The following OSBPL10 variants were observed in gnomAD, a reference collection of about 807,000 sequenced individuals.
OSBPL10 encodes oxysterol-binding protein-related protein 10.
In OSBPL10, 49 loss-of-function variants were observed where a neutral mutation model predicts 81.7. The observed-to-expected ratio is 0.60, with a 90% confidence interval of 0.48 to 0.76. The LOEUF is 0.76. Among genes scored for constraint, OSBPL10 ranks in the 30% least tolerant of loss-of-function variants. The pLI is 0.00. For missense variants in OSBPL10, 923 were observed against 987.8 expected (o/e 0.93, Z 0.88); for synonymous variants, 419 against 383.6 (o/e 1.09, Z -1.08).
At chr3:32,047,582 G>C (rs1028332015) in intron 1 of OSBPL10, among the ~76,000 whole-genome samples, 1 of 152,098 alleles carries the variant, frequency 6.6e-6, no homozygotes, top group Non-Finnish European at 1.5e-5. Context: ...AATGAGAAGT[G>C]AGGACAGCCA....
intron 1 of OSBPL10, among the ~76,000 whole-genome samples, chr3:31,929,126 G>A (rs9847411): frequency 0.031 from 4,722 of 152,132 alleles, 253 homozygotes; most frequent in African/African-American, 0.11. Flanking sequence ...AAAGGCACCT[G>A]GTAATACTCA....
At chr3:31,805,640 A>ATTTT (rs1559472741) in intron 4 of OSBPL10, among the ~76,000 whole-genome samples, 1 of 152,234 alleles carries the variant, frequency 6.6e-6, no homozygotes, top group Non-Finnish European at 1.5e-5. Context: ...CACAAAATAC[A>ATTTT]AAGCACCTTA....
intron 1 of OSBPL10, among the ~76,000 whole-genome samples, chr3:31,947,897 C>T (rs1344141054): frequency 1.3e-5 from 2 of 151,244 alleles, no homozygotes; most frequent in South Asian, 2.1e-4. Flanking sequence ...GCCCAGCCTC[C>T]GTCTGATCCC....
At chr3:31,687,931 TTA>T in intron 7 of OSBPL10, among the ~76,000 whole-genome samples, 1 of 137,726 alleles carries the variant, frequency 7.3e-6, no homozygotes, top group East Asian at 2.1e-4. Context: ...AATAATTTTT[TTA>T]AAAGAAGTGG....
intron 6 of OSBPL10, among the ~76,000 whole-genome samples, chr3:31,724,710 C>CA (rs1696754393): frequency 1.3e-5 from 2 of 152,204 alleles, no homozygotes; most frequent in African/African-American, 4.8e-5. Flanking sequence ...GCCTTGTACT[C>CA]AGACAGCTCA....
intron 4 of OSBPL10, among the ~76,000 whole-genome samples, chr3:31,749,672 A>G (rs1386282128): frequency 1.3e-5 from 2 of 151,776 alleles, no homozygotes; most frequent in Non-Finnish European, 2.9e-5. Context: ...AAACCTAGCC[A>G]GCTGTGGTGG....
intron 6 of OSBPL10, among the ~76,000 whole-genome samples, chr3:31,705,381 C>CAA (rs576486520): frequency 1.4e-5 from 2 of 141,172 alleles, no homozygotes; most frequent in African/African-American, 5.3e-5. Flanking sequence ...GACCCCCCCC[C>CAA]CCACCCCCAT....
intron 6 of OSBPL10, among the ~76,000 whole-genome samples, chr3:31,724,225 G>A (rs563963124): frequency 2.6e-5 from 4 of 152,116 alleles, no homozygotes; most frequent in Non-Finnish European, 4.4e-5. Flanking sequence ...GTTTCAAAGC[G>A]CTTAATTCTT....
intron 2 of OSBPL10, chr3:31,988,907 C>A: frequency 1.3e-6 from 1 of 770,698 alleles, no homozygotes; most frequent in Non-Finnish European, 2.1e-6. Flanking sequence ...GAACACCCAG[C>A]TGAAGTGCCT....
At chr3:31,813,718 T>C (rs1250319638) in intron 4 of OSBPL10, among the ~76,000 whole-genome samples, 1 of 152,152 alleles carries the variant, frequency 6.6e-6, no homozygotes, top group African/African-American at 2.4e-5. Context: ...AGGGTGAGAC[T>C]TCCCTGGCTC....
intron 2 of OSBPL10, among the ~76,000 whole-genome samples, chr3:31,879,051 G>C (rs1224360737): frequency 6.6e-6 from 1 of 152,094 alleles, no homozygotes; most frequent in Non-Finnish European, 1.5e-5. Context: ...TCCCTGGAAA[G>C]TCATCCTCAT....
intron 3 of OSBPL10, among the ~76,000 whole-genome samples, chr3:31,837,326 TATATATATATATA>T (rs1409895142): frequency 2.2e-3 from 10 of 4,484 alleles, no homozygotes; most frequent in African/African-American, 0.013. Context: ...CCAAATTATA[TATATATATATATA>T]TATATATATA....
chr3:31,785,721 T>C (rs1698843873), intron 4 of OSBPL10, among the ~76,000 whole-genome samples: 2 of 152,188 alleles, frequency 1.3e-5, no homozygotes, highest in South Asian at 2.1e-4. Context: ...TTTTCTGTTC[T>C]GGGATTCTTG....
chr3:31,978,092 A>G (rs1026397341), intron 1 of OSBPL10, among the ~76,000 whole-genome samples: 1 of 152,242 alleles, frequency 6.6e-6, no homozygotes, highest in Admixed American at 6.5e-5. Flanking sequence ...CAACTTGAGA[A>G]CATGCAAGAG....
intron 5 of OSBPL10, among the ~76,000 whole-genome samples, chr3:31,737,587 G>C (rs560734498): frequency 5.8e-4 from 89 of 152,218 alleles, no homozygotes; most frequent in Non-Finnish European, 1.1e-3. Context: ...ACTGAGAACA[G>C]GAAATAGTGG....
At chr3:31,925,965 C>T (rs892158068) in intron 1 of OSBPL10, among the ~76,000 whole-genome samples, 2 of 152,152 alleles carry the variant, frequency 1.3e-5, no homozygotes, top group African/African-American at 4.8e-5. Context: ...ACTGATCCAT[C>T]GAGACCCAGG....
intron 4 of OSBPL10, among the ~76,000 whole-genome samples, chr3:31,762,666 A>G (rs1054850494): frequency 2.0e-5 from 1 of 49,188 alleles, no homozygotes; most frequent in African/African-American, 8.8e-5. Context: ...ATGGGGTTTC[A>G]CCAAGTTGCC....
At chr3:31,671,717 G>A (rs778712429) in intron 8 of OSBPL10, among the ~76,000 whole-genome samples, 1 of 152,152 alleles carries the variant, frequency 6.6e-6, no homozygotes, top group African/African-American at 2.4e-5. Context: ...CCCAAAGTGG[G>A]AAAGGCCTTA....
At chr3:31,673,526 G>A (rs759420153) in intron 8 of OSBPL10, among the ~76,000 whole-genome samples, 5 of 152,132 alleles carry the variant, frequency 3.3e-5, no homozygotes, top group Non-Finnish European at 5.9e-5. Context: ...GGAGACTGTG[G>A]CAGCTGAGAG....
Sources: gnomAD v4.1 joint callset for allele counts (sites outside exome capture counted in the v4.1 genomes callset) on GRCh38, gnomAD v4.1.1 for gene constraint, MANE v1.5 for transcripts, NCBI Gene and HGNC (gene_info 2026-07-23, HGNC 2026-07-21) for gene names.